Variants in CNTNAP4 observed in about 807,000 individuals in gnomAD.
The protein encoded by CNTNAP4 is contactin-associated protein-like 4.
CNTNAP4 carries 98 observed loss-of-function variants against 148.4 expected under a neutral mutation model. That is an observed-to-expected ratio of 0.66 (90% CI 0.56 to 0.78). The LOEUF (loss-of-function observed/expected upper bound fraction) is 0.78, where lower values mean the gene tolerates loss of function less well. Ranked by LOEUF, CNTNAP4 falls within the 30% of genes least tolerant of loss-of-function variation. CNTNAP4 has a pLI of 0.00. For synonymous variants in CNTNAP4, 730 were observed against 565.1 expected (o/e 1.29, Z -4.14); for missense variants, 1,935 against 1,565.6 (o/e 1.24, Z -3.98).
chr16:76,530,088 A>T (rs2083911934), intron 17 of CNTNAP4, among the ~76,000 whole-genome samples: 1 of 151,872 alleles, frequency 6.6e-6, no homozygotes, highest in Admixed American at 6.6e-5. Flanking sequence ...ATTTTAGGTG[A>T]GTCCTTTTCA....
chr16:76,351,323 G>A (rs549328406), intron 2 of CNTNAP4, among the ~76,000 whole-genome samples: 4 of 151,274 alleles, frequency 2.6e-5, no homozygotes, highest in East Asian at 3.9e-4. Flanking sequence ...CTGCAGTTAC[G>A]TTTGCATTTC....
intron 1 of CNTNAP4, among the ~76,000 whole-genome samples, chr16:76,293,835 T>TAAAA (rs201927804): frequency 0.28 from 40,746 of 145,902 alleles, 6,613 homozygotes; most frequent in Non-Finnish European, 0.38. Context: ...TTTTTTTTTT[T>TAAAA]AAAAAAAAGG....
chr16:76,376,807 G>C (rs981017878), intron 3 of CNTNAP4, among the ~76,000 whole-genome samples: 1 of 152,182 alleles, frequency 6.6e-6, no homozygotes, highest in African/African-American at 2.4e-5. Context: ...AAGTACCATG[G>C]AGTCAGAACC....
Position 76,538,333 on chromosome 16 carries a change from CA to C in CNTNAP4, c.3218del (p.Asn1073MetfsTer10). 6.3e-7 allele frequency: 1 copy of C among 1,597,476 alleles called. No individual in the cohort carries two copies. Among genetic ancestry groups the C allele is most frequent in the Admixed American group, 1.8e-5 (1 of 56,502 alleles). ...YKEYLSVIIA[K>X]NGSLQIRYKL... is the part of the protein sequence containing the mutation. ...AAGAATACCTTTCTGTGATCATTGC[CA>C]AAAATGGTGAGTTCTTTTTAGATGA... On this transcript the variant is annotated frameshift_variant, in exon 19 of 24. Coordinates refer to ENST00000611870, the MANE Select transcript of CNTNAP4 (RefSeq NM_033401.5). LOFTEE classifies it high-confidence loss of function.
At chr16:76,375,731 G>A (rs997075022) in intron 3 of CNTNAP4, among the ~76,000 whole-genome samples, 17 of 152,164 alleles carry the variant, frequency 1.1e-4, no homozygotes, top group African/African-American at 2.4e-5. Flanking sequence ...TTTCTGCAGG[G>A]AAGTTTACAT....
intron 4 of CNTNAP4, among the ~76,000 whole-genome samples, chr16:76,438,700 TA>T (rs1376253990): frequency 2.0e-5 from 3 of 152,014 alleles, no homozygotes; most frequent in Non-Finnish European, 4.4e-5. Context: ...CCTACACTCC[TA>T]ACAGGCCTCA....
At chr16:76,389,488 C>G (rs2016778366) in intron 3 of CNTNAP4, among the ~76,000 whole-genome samples, 1 of 152,118 alleles carries the variant, frequency 6.6e-6, no homozygotes, top group Non-Finnish European at 1.5e-5. Context: ...GTATCTCCCT[C>G]TTTTGCCTAG....
chr16:76,532,915 A>G (rs2084047926), intron 17 of CNTNAP4, among the ~76,000 whole-genome samples: 1 of 152,184 alleles, frequency 6.6e-6, no homozygotes, highest in African/African-American at 2.4e-5. Flanking sequence ...CAGAAGAGAG[A>G]CTTCAAGAAC....
chr16:76,288,924 G>A (rs1485049055), intron 1 of CNTNAP4, among the ~76,000 whole-genome samples: 1 of 151,962 alleles, frequency 6.6e-6, no homozygotes, highest in South Asian at 2.1e-4. Context: ...TTAAAACTTT[G>A]ACTTTGTATT....
At chr16:76,444,383 A>G (rs916645340) in intron 4 of CNTNAP4, among the ~76,000 whole-genome samples, 4 of 151,280 alleles carry the variant, frequency 2.6e-5, no homozygotes, top group African/African-American at 9.7e-5. Flanking sequence ...ATGTTCTACA[A>G]TGACATTGAG....
At chr16:76,444,380 A>T (rs139466824) in intron 4 of CNTNAP4, among the ~76,000 whole-genome samples, 158 of 151,764 alleles carry the variant, frequency 1.0e-3, no homozygotes, top group Non-Finnish European at 1.2e-4. Flanking sequence ...AAGATGTTCT[A>T]CAATGACATT....
chr16:76,482,357 GT>G (rs1469918686), intron 12 of CNTNAP4, among the ~76,000 whole-genome samples: 2 of 151,504 alleles, frequency 1.3e-5, no homozygotes, highest in African/African-American at 4.8e-5. Flanking sequence ...GAGTAATTGA[GT>G]GTTTGAATTG....
chr16:76,473,297 A>G (rs1356194080), intron 10 of CNTNAP4, among the ~76,000 whole-genome samples: 1 of 152,164 alleles, frequency 6.6e-6, no homozygotes, highest in East Asian at 1.9e-4. Flanking sequence ...ATATACACAC[A>G]TATCTATATG....
chr16:76,303,116 C>G (rs1034450001), intron 1 of CNTNAP4, among the ~76,000 whole-genome samples: 55 of 152,280 alleles, frequency 3.6e-4, no homozygotes, highest in African/African-American at 1.2e-3. Flanking sequence ...AAATCAAACA[C>G]AATAATCTTA....
At chr16:76,500,176 G>A (rs912900325) in intron 15 of CNTNAP4, among the ~76,000 whole-genome samples, 35 of 151,974 alleles carry the variant, frequency 2.3e-4, no homozygotes, top group African/African-American at 8.4e-4. Flanking sequence ...GGTGGCAGCT[G>A]GGCGGGGGCT....
chr16:76,371,061 C>T (rs2144627261), intron 3 of CNTNAP4, among the ~76,000 whole-genome samples: 1 of 152,278 alleles, frequency 6.6e-6, no homozygotes, highest in East Asian at 1.9e-4. Flanking sequence ...ATAATCGACA[C>T]TGAGTAAGTA....
intron 12 of CNTNAP4, among the ~76,000 whole-genome samples, chr16:76,483,488 A>T (rs565427060): frequency 5.9e-5 from 9 of 152,278 alleles, no homozygotes; most frequent in African/African-American, 2.2e-4. Context: ...CATACTGTTG[A>T]TTCATTAACA....
rs765837349 is a variant in CNTNAP4, at chr16:76,538,341, G to A, written c.3220+1G>A. On this transcript the variant is annotated splice_donor_variant, in intron 19 of 23. Transcript: ENST00000611870. LOFTEE classifies it high-confidence loss of function. The stretch of plus-strand genomic sequence containing the variant: ...CTTTCTGTGATCATTGCCAAAAATG[G>A]TGAGTTCTTTTTAGATGAGAGAGAG... The A allele has an allele frequency of 2.5e-6, 4 of 1,597,630 alleles. No individual in the cohort carries two copies. The highest frequency in any genetic ancestry group is 2.6e-6 in the Non-Finnish European group (3 of 1,170,574).
chr16:76,350,977 TG>T (rs1300354972), intron 2 of CNTNAP4, among the ~76,000 whole-genome samples: 5 of 151,950 alleles, frequency 3.3e-5, no homozygotes, highest in African/African-American at 2.4e-5. Context: ...TAGGAACTGG[TG>T]GGGGCAAGAC....
Sources: allele counts gnomAD v4.1 joint callset (sites outside exome capture counted in the v4.1 genomes callset), GRCh38; gene constraint gnomAD v4.1.1; transcripts MANE v1.5; gene names NCBI Gene and HGNC (gene_info 2026-07-23, HGNC 2026-07-21).